Variants in FGF14 observed in about 807,000 individuals in gnomAD.
FGF14 encodes fibroblast growth factor homologous factor 4.
In FGF14, 5 loss-of-function variants were observed where a neutral mutation model predicts 25.5. The observed-to-expected ratio is 0.20, with a 90% CI of 0.10 to 0.41. FGF14 has a LOEUF of 0.41. Ranked by LOEUF, FGF14 falls within the 10% of genes least tolerant of loss-of-function variation. The probability of loss-of-function intolerance (pLI) is 1.00; values close to 1 mark genes in which losing one functional copy is unlikely to be tolerated. For synonymous variants in FGF14, 138 were observed against 118.3 expected, an observed-to-expected ratio of 1.17 and a Z score of -1.08; for missense variants, 222 against 320.1, an observed-to-expected ratio of 0.69 and a Z score of 2.34.
At chr13:101,766,165 G>A (rs1468799715) in intron 3 of FGF14, among the ~76,000 whole-genome samples, 2 of 152,302 alleles carry the variant, frequency 1.3e-5, no homozygotes, top group African/African-American at 4.8e-5. Context: ...TAGCTGGAAT[G>A]ATATCATTCA....
chr13:102,116,181 T>C (rs1566705513), intron 1 of FGF14, among the ~76,000 whole-genome samples: 2 of 152,270 alleles, frequency 1.3e-5, no homozygotes, highest in East Asian at 1.9e-4. Flanking sequence ...ATGGCTATTA[T>C]AATAATTTAA....
At chr13:102,184,774 A>C (rs2048812627) in intron 1 of FGF14, among the ~76,000 whole-genome samples, 1 of 152,176 alleles carries the variant, frequency 6.6e-6, no homozygotes, top group African/African-American at 2.4e-5. Context: ...GTTCAGAAAG[A>C]AATTTGGTAA....
intron 1 of FGF14, among the ~76,000 whole-genome samples, chr13:102,180,960 T>C (rs978696021): frequency 9.2e-5 from 14 of 152,168 alleles, no homozygotes; most frequent in African/African-American, 3.4e-4. Flanking sequence ...AAATCATGTT[T>C]ATATTATAGT....
chr13:101,967,475 G>C (rs973161067), intron 1 of FGF14, among the ~76,000 whole-genome samples: 1 of 152,192 alleles, frequency 6.6e-6, no homozygotes, highest in Non-Finnish European at 1.5e-5. Flanking sequence ...CATGCAGTGA[G>C]AACATTTATG....
chr13:102,228,902 C>T (rs1022201179), intron 1 of FGF14, among the ~76,000 whole-genome samples: 6 of 152,264 alleles, frequency 3.9e-5, no homozygotes, highest in Non-Finnish European at 8.8e-5. Flanking sequence ...AGCACAGTCT[C>T]GAATATATTT....
At chr13:102,332,787 AC>A (rs1310376661) in intron 1 of FGF14, among the ~76,000 whole-genome samples, 1 of 151,956 alleles carries the variant, frequency 6.6e-6, no homozygotes, top group Non-Finnish European at 1.5e-5. Flanking sequence ...ATAAAAGAAG[AC>A]CCCCCAAAAG....
chr13:101,880,858 C>T (rs193218282), intron 1 of FGF14, among the ~76,000 whole-genome samples: 2 of 152,202 alleles, frequency 1.3e-5, no homozygotes, highest in East Asian at 3.9e-4. Flanking sequence ...TTTAAAGTGG[C>T]TATATATCTA....
At chr13:102,162,204 G>A (rs1229846654) in intron 1 of FGF14, among the ~76,000 whole-genome samples, 1 of 152,154 alleles carries the variant, frequency 6.6e-6, no homozygotes, top group African/African-American at 2.4e-5. Context: ...GGCAACTGAA[G>A]TCTCAGCAAA....
At chr13:102,366,706 T>G (rs894889808) in intron 1 of FGF14, 1 of 151,782 alleles carries the variant, frequency 6.6e-6, no homozygotes, top group African/African-American at 2.4e-5. Flanking sequence ...GTACTTGGCT[T>G]GTTCTTTCTC....
At chr13:101,928,277 TAA>T (rs1301352494) in intron 1 of FGF14, among the ~76,000 whole-genome samples, 1 of 152,292 alleles carries the variant, frequency 6.6e-6, no homozygotes, top group Admixed American at 6.5e-5. Context: ...AGTCTGAAAA[TAA>T]AGACACTTTT....
At chr13:102,173,314 T>TA (rs539548980) in intron 1 of FGF14, among the ~76,000 whole-genome samples, 8 of 151,746 alleles carry the variant, frequency 5.3e-5, no homozygotes, top group African/African-American at 1.5e-4. Flanking sequence ...ATGACTGTCA[T>TA]AAAAAAAAGA....
At chr13:101,820,537 T>A (rs1274291767) in intron 3 of FGF14, among the ~76,000 whole-genome samples, 7 of 139,572 alleles carry the variant, frequency 5.0e-5, no homozygotes, top group Non-Finnish European at 9.7e-5. Flanking sequence ...TTAATTTGAA[T>A]TAAAGCAATA....
chr13:102,271,487 C>T (rs1350758025), intron 1 of FGF14, among the ~76,000 whole-genome samples: 1 of 150,978 alleles, frequency 6.6e-6, no homozygotes, highest in African/African-American at 2.4e-5. Context: ...CAAACTCCAA[C>T]CCATCATCAA....
intron 1 of FGF14, among the ~76,000 whole-genome samples, chr13:102,277,367 C>G (rs2053599669): frequency 6.6e-6 from 1 of 152,226 alleles, no homozygotes; most frequent in Non-Finnish European, 1.5e-5. Flanking sequence ...GAATGTCCCC[C>G]TCTCAGCTAT....
chr13:102,251,430 G>C (rs557862872), intron 1 of FGF14, among the ~76,000 whole-genome samples: 38 of 152,134 alleles, frequency 2.5e-4, no homozygotes, highest in Non-Finnish European at 5.6e-4. Flanking sequence ...CTGTTGGCTT[G>C]TTGGATTTTG....
intron 1 of FGF14, among the ~76,000 whole-genome samples, chr13:102,118,800 T>C (rs1036195683): frequency 5.3e-5 from 8 of 152,168 alleles, no homozygotes; most frequent in African/African-American, 1.9e-4. Flanking sequence ...TTACAAAGCA[T>C]AAATAAGTAT....
In FGF14 at chr13:102,224,837, G is replaced by C. The variant is rs181102645; in HGVS notation, c.208+176634C>G. ...TCATGGCTGTCTTAAAAGATGCCTC[G>C]AGGAGGAAATGTTTAACACACTGTA... On this transcript the variant is annotated intron_variant, in intron 1 of 4. Transcript: ENST00000376131. Among the ~76,000 whole-genome samples the C allele has an allele frequency of 2.2e-4, 33 of 152,164 alleles. No homozygotes were observed. In the East Asian group the frequency reaches 6.0e-3, roughly 28 times the overall value.
At chr13:101,982,774 A>G (rs1418905961) in intron 1 of FGF14, among the ~76,000 whole-genome samples, 4 of 152,204 alleles carry the variant, frequency 2.6e-5, no homozygotes, top group Non-Finnish European at 5.9e-5. Flanking sequence ...ATAAAACCTT[A>G]TTTATTGTCT....
intron 3 of FGF14, among the ~76,000 whole-genome samples, chr13:101,788,271 T>G (rs1261857497): frequency 6.6e-6 from 1 of 152,160 alleles, no homozygotes. Flanking sequence ...CCCAGTGATA[T>G]GGGATAACCA....
Sources: gnomAD v4.1 joint callset for allele counts (sites outside exome capture counted in the v4.1 genomes callset) on GRCh38, gnomAD v4.1.1 for gene constraint, MANE v1.5 for transcripts, NCBI Gene and HGNC (gene_info 2026-07-23, HGNC 2026-07-21) for gene names.